MSL3: variants seen among roughly 807,000 people sequenced by gnomAD.
The protein encoded by MSL3 is MSL3-like 1.
A neutral mutation model predicts 37.2 loss-of-function variants in MSL3; 5 were observed. The ratio of observed to expected loss-of-function variants is 0.13; its 90% CI spans 0.07 to 0.28. The LOEUF is 0.28. Among genes scored for constraint, MSL3 ranks in the 10% least tolerant of loss-of-function variants. The pLI, the probability that MSL3 is intolerant of heterozygous loss-of-function variation, is 1.00. For synonymous variants in MSL3, 149 were observed against 147.6 expected (o/e 1.01, Z -0.07); for missense variants, 315 against 408.5 (o/e 0.77, Z 1.97).
intron 10 of MSL3, among the ~76,000 whole-genome samples, chrX:11,769,331 C>T (rs2053212398): frequency 8.9e-6 from 1 of 112,078 alleles, no homozygotes; most frequent in African/African-American, 3.3e-5. Context: ...TCTAGGCCAC[C>T]ACTGTGCCAG....
At chrX:11,762,008 T>A (rs1374680237) in intron 5 of MSL3, 122 bp from the exon 6 acceptor site, 1 of 537,131 alleles carries the variant, frequency 1.9e-6, no homozygotes, top group Non-Finnish European at 2.9e-6. Context: ...ATACTTTTAA[T>A]TAGAACACGT....
chrX:11,759,603 C>A, intron 1 of MSL3, 190 bp from the exon 2 acceptor site: 1 of 1,064,006 alleles, frequency 9.4e-7, no homozygotes, highest in Non-Finnish European at 1.2e-6. Context: ...GGTGGTTGGA[C>A]GGATGTTTCC....
intron 9 of MSL3, chrX:11,768,098 A>G: frequency 4.2e-6 from 1 of 235,751 alleles, no homozygotes; most frequent in Non-Finnish European, 6.1e-6. Context: ...ATCCACATAT[A>G]CAGTTCAATC....
chrX:11,758,483 G>T lies in MSL3; in HGVS notation c.102+118G>T, dbSNP rs752185953. 3 of 973,953 alleles carry T rather than the reference G, an allele frequency of 3.1e-6. No individual in the cohort carries two copies. In the African/African-American group the frequency reaches 6.3e-5, roughly 20 times the overall value. The allele number at this position is 973,953 out of a possible 1,213,427, so 80.3% of individuals were successfully genotyped here. On this transcript the variant is annotated intron_variant, in intron 1 of 12. Transcript: ENST00000312196. ...ACCGGCCGGGCTCCTCGGCCTGCGA[G>T]GAGCGGTGCGGCCGGCAGGGGGCGC...
chrX:11,773,676 G>T (rs1254442845), intron 12 of MSL3, among the ~76,000 whole-genome samples: 2 of 112,433 alleles, frequency 1.8e-5, no homozygotes, highest in African/African-American at 6.5e-5. Context: ...ATAGTGCCAA[G>T]AAAATATGAA....
At chrX:11,770,557 C>T (rs1024536711) in intron 10 of MSL3, among the ~76,000 whole-genome samples, 7 of 111,131 alleles carry the variant, frequency 6.3e-5, no homozygotes, top group African/African-American at 2.0e-4. Flanking sequence ...TTCGTGGATT[C>T]CCACCTTCTT....
chrX:11,770,392 G>A (rs926133354), intron 10 of MSL3, among the ~76,000 whole-genome samples: 7 of 111,738 alleles, frequency 6.3e-5, no homozygotes, highest in African/African-American at 2.3e-4. Flanking sequence ...GAATTTAAGG[G>A]GCATCTGAGT....
At chrX:11,767,084 G>A in intron 9 of MSL3, 1 of 753,964 alleles carries the variant, frequency 1.3e-6, no homozygotes, top group Non-Finnish European at 1.6e-6. Flanking sequence ...TCCTGTCCCT[G>A]CCACATCCAT....
chrX:11,770,903 T>C (rs190421349), intron 10 of MSL3, among the ~76,000 whole-genome samples: 54 of 112,196 alleles, frequency 4.8e-4, no homozygotes, highest in African/African-American at 1.7e-3. Context: ...TCAGAATGGT[T>C]CCAAAGCTTC....
intron 12 of MSL3, among the ~76,000 whole-genome samples, chrX:11,774,316 TTTTG>T (rs1320809588): frequency 1.2e-4 from 13 of 112,010 alleles, no homozygotes; most frequent in African/African-American, 3.6e-4. Flanking sequence ...TTATTTTTTA[TTTTG>T]TTTATTTATT....
Position 11,768,597 on chromosome X carries a change from C to G in MSL3, c.1196C>G (p.Ser399Cys), listed in dbSNP as rs1306959021. ...EKKTPVHSRS[S>C]SPIPLTPSKE... ...GAGACACCTGTGCATAGCAGATCAT[C>G]TTCACCTATTCCTCTGACTCCTAGC... Residue 399 changes from serine (S) to cysteine (C), a missense_variant, in exon 10 of 13, where the codon TCT (serine) becomes TGT (cysteine). Coordinates refer to ENST00000312196, the MANE Select transcript of MSL3 (RefSeq NM_078629.4). 8.3e-7 allele frequency: 1 copy of G among 1,205,465 alleles called. No homozygotes were observed. Among genetic ancestry groups the G allele is most frequent in the Non-Finnish European group, 1.1e-6 (1 of 889,611 alleles).
chrX:11,766,783 G>A (rs756220022), intron 9 of MSL3: 20 of 753,494 alleles, frequency 2.7e-5, no homozygotes, highest in Non-Finnish European at 3.0e-5. Flanking sequence ...AGAGATGGAA[G>A]CCTGGTGGCC....
intron 11 of MSL3, 120 bp from the exon 12 acceptor site, chrX:11,772,501 T>C: frequency 2.0e-6 from 1 of 506,202 alleles, no homozygotes; most frequent in Non-Finnish European, 3.4e-6. Flanking sequence ...TGTTTGATAA[T>C]GTGGATGTTA....
At chrX:11,768,111 G>A (rs985276614) in intron 9 of MSL3, 5 of 201,697 alleles carry the variant, frequency 2.5e-5, no homozygotes, top group Non-Finnish European at 3.0e-5. Context: ...GTTCAATCCA[G>A]TAGTTTTTAG....
chrX:11,764,026 G>T, intron 8 of MSL3, 88 bp downstream of exon 8: 1 of 823,284 alleles, frequency 1.2e-6, no homozygotes, highest in Non-Finnish European at 1.7e-6. Context: ...CTGATGGTGT[G>T]GGCCAACATG....
At position 11,760,835 on chromosome X, in the gene MSL3, A is replaced by G; in HGVS notation, c.282-2A>G. The G allele has an allele frequency of 8.4e-7, 1 of 1,184,209 alleles. No homozygotes were observed. Among genetic ancestry groups the G allele is most frequent in the Non-Finnish European group, 1.1e-6 (1 of 881,906 alleles). On this transcript the variant is annotated splice_acceptor_variant, in intron 3 of 12. Coordinates refer to ENST00000312196, the MANE Select transcript of MSL3 (RefSeq NM_078629.4). LOFTEE classifies it high-confidence loss of function. ...TTTCAGTTGTTTGCTACTCTTTTTC[A>G]GGAGGAGCACAGGAAGAAAGAAGAA...
intron 1 of MSL3, chrX:11,759,561 C>G (rs901567596): frequency 7.9e-6 from 8 of 1,010,745 alleles, no homozygotes; most frequent in Non-Finnish European, 1.0e-5. Flanking sequence ...TCAGAAGCCT[C>G]ACACTGTCTC....
At position 11,765,451 on chromosome X, in the gene MSL3, C is replaced by T; in HGVS notation, c.909-16C>T. ...AGGCCCTTTGAGCCATGTGTGACATCCTCCATCTTCCCTAGGAGCCAGGAG... is the reference window on the plus strand; with the variant it reads ...AGGCCCTTTGAGCCATGTGTGACATTCTCCATCTTCCCTAGGAGCCAGGAG... On this transcript the variant is annotated splice_polypyrimidine_tract_variant and intron_variant, in intron 8 of 12. Coordinates refer to ENST00000312196, the MANE Select transcript of MSL3 (RefSeq NM_078629.4). 3 of 1,170,917 alleles carry T rather than the reference C, an allele frequency of 2.6e-6. No homozygotes were observed. The highest frequency in any genetic ancestry group is 3.4e-6 in the Non-Finnish European group (3 of 874,067).
chrX:11,765,696 A>G lies in MSL3; in HGVS notation c.1138A>G (p.Ser380Gly), dbSNP rs1002328169. 5 of 1,210,837 alleles carry G rather than the reference A, an allele frequency of 4.1e-6. No individual in the cohort carries two copies. The African/African-American group carries it at 8.7e-5, about 21-fold the overall frequency. The change falls in exon 9 of 13, where the codon AGC becomes GGC. Residue 380 changes from serine to glycine, a missense_variant. Ser to Gly is a moderately conservative substitution (Grantham distance 56). Coordinates refer to ENST00000312196, the MANE Select transcript of MSL3 (RefSeq NM_078629.4). Reference sequence around the variant, plus strand: ...GCGCCGGCAGCAGGACACATCCGCCAGCATGCCCAAGCTCTTCCTGCACCT... The same window carrying G: ...GCGCCGGCAGCAGGACACATCCGCCGGCATGCCCAAGCTCTTCCTGCACCT... ...PKRRQQDTSA[S>G]MPKLFLHLEK... is the part of the protein sequence containing the mutation.
Sources: allele counts gnomAD v4.1 joint callset (sites outside exome capture counted in the v4.1 genomes callset), GRCh38; gene constraint gnomAD v4.1.1; transcripts MANE v1.5; gene names NCBI Gene and HGNC (gene_info 2026-07-23, HGNC 2026-07-21).